The following SEPTIN9 variants were observed in gnomAD, a reference collection of about 807,000 sequenced individuals.
The protein encoded by SEPTIN9 is septin 9.
A neutral mutation model predicts 56.6 loss-of-function variants in SEPTIN9; 13 were observed. The ratio of observed to expected loss-of-function variants is 0.23; its 90% CI spans 0.15 to 0.37. The LOEUF (loss-of-function observed/expected upper bound fraction) is 0.37, where lower values mean the gene tolerates loss of function less well. SEPTIN9 is among the 10% of genes least tolerant of loss of function. The pLI is 1.00. For missense variants in SEPTIN9, 650 were observed against 823.1 expected (o/e 0.79, Z 2.57); for synonymous variants, 332 against 334.1 (o/e 0.99, Z 0.07).
intron 3 of SEPTIN9, among the ~76,000 whole-genome samples, chr17:77,480,425 A>T (rs867147209): frequency 6.6e-6 from 1 of 152,136 alleles, no homozygotes; most frequent in African/African-American, 2.4e-5. Context: ...TGCAGGCTGC[A>T]GCCAGGGGGC....
At chr17:77,357,940 G>A (rs1004228836) in intron 2 of SEPTIN9, among the ~76,000 whole-genome samples, 4 of 152,162 alleles carry the variant, frequency 2.6e-5, no homozygotes, top group Non-Finnish European at 4.4e-5. Context: ...GCCTGTCTAG[G>A]TCCTGTTTTC....
chr17:77,413,971 TTTTC>T (rs2036399089), intron 3 of SEPTIN9, among the ~76,000 whole-genome samples: 1 of 151,510 alleles, frequency 6.6e-6, no homozygotes, highest in East Asian at 1.9e-4. Context: ...CTCTCTCTTT[TTTTC>T]TTTTTGTTTG....
chr17:77,313,349 C>G lies in SEPTIN9; in HGVS notation c.76+6152C>G, dbSNP rs1177829945. Among the ~76,000 whole-genome samples the G allele has an allele frequency of 6.6e-6, 1 of 152,246 alleles. No individual in the cohort carries two copies. The highest frequency in any genetic ancestry group is 1.5e-5 in the Non-Finnish European group (1 of 68,044). Reference sequence around the variant, plus strand: ...TTCTCCCCGTTGTCTTGGTTTCCTTCCACGCTGACCTGGAAGGACTCCTAA... The same window carrying G: ...TTCTCCCCGTTGTCTTGGTTTCCTTGCACGCTGACCTGGAAGGACTCCTAA... On this transcript the variant is annotated intron_variant, in intron 2 of 11. Transcript: ENST00000427177. This position sits in a 1 kb window ranked among gnomAD's most constrained non-coding sequence, Gnocchi z 4.5.
chr17:77,282,643 C>G (rs1164906838), intron 1 of SEPTIN9, among the ~76,000 whole-genome samples: 2 of 152,208 alleles, frequency 1.3e-5, no homozygotes, highest in South Asian at 2.1e-4. Flanking sequence ...CTCAGAACTT[C>G]CCCGAAAATA....
At chr17:77,490,465 G>A (rs2143383854) in intron 7 of SEPTIN9, among the ~76,000 whole-genome samples, 1 of 152,316 alleles carries the variant, frequency 6.6e-6, no homozygotes, top group South Asian at 2.1e-4. Context: ...GTAGGGGTGT[G>A]GTTGGGACCC....
At position 77,445,609 on chromosome 17, in the gene SEPTIN9, G is replaced by A; in HGVS notation, c.722-36535G>A. On this transcript the variant is annotated intron_variant, in intron 3 of 11. Coordinates refer to ENST00000427177, the MANE Select transcript of SEPTIN9 (RefSeq NM_001113491.2). This position sits in a 1 kb window ranked among gnomAD's most constrained non-coding sequence, Gnocchi z 4.7. Reference sequence around the variant, plus strand: ...CCCTCCTCTCTGCTGCTGTGTTGCTGTGTGTTTCAGCAGCACGTGGGTGTC... The same window carrying A: ...CCCTCCTCTCTGCTGCTGTGTTGCTATGTGTTTCAGCAGCACGTGGGTGTC... 1 of 368,794 alleles carries A rather than the reference G, an allele frequency of 2.7e-6. No homozygotes were observed. The highest frequency in any genetic ancestry group is 5.6e-6 in the Non-Finnish European group (1 of 177,748). The allele number at this position is 368,794 out of a possible 1,614,324, so 22.8% of individuals were successfully genotyped here.
rs2143699607 is a variant in SEPTIN9 at position 77,329,460 on chromosome 17, G to A, written c.76+22263G>A. On this transcript the variant is annotated intron_variant, in intron 2 of 11. Transcript: ENST00000427177. This position sits in a 1 kb window ranked among gnomAD's most constrained non-coding sequence, Gnocchi z 4.3. Reference sequence around the variant, plus strand: ...GCGCTTTTGGTGTCTGAGCCCAGTGGTCCTGGCTGTGGTTTGGTACACTTG... The same window carrying A: ...GCGCTTTTGGTGTCTGAGCCCAGTGATCCTGGCTGTGGTTTGGTACACTTG... Among the ~76,000 whole-genome samples, 1 of 152,312 alleles carries A rather than the reference G, an allele frequency of 6.6e-6. No homozygotes were observed. Among genetic ancestry groups the A allele is most frequent in the Non-Finnish European group, 1.5e-5 (1 of 68,016 alleles).
At chr17:77,292,853 G>A (rs1041079437) in intron 1 of SEPTIN9, among the ~76,000 whole-genome samples, 1 of 152,172 alleles carries the variant, frequency 6.6e-6, no homozygotes, top group Non-Finnish European at 1.5e-5. Context: ...TTGACCACTG[G>A]TCTCGCTCCA....
chr17:77,431,830 CAAAA>C (rs61461406), intron 3 of SEPTIN9, among the ~76,000 whole-genome samples: 5 of 55,262 alleles, frequency 9.0e-5, no homozygotes, highest in African/African-American at 1.2e-4. Context: ...AATGCTGTCT[CAAAA>C]AAAAAAAAAA....
chr17:77,345,844 A>T (rs983465658), intron 2 of SEPTIN9, among the ~76,000 whole-genome samples: 1 of 152,208 alleles, frequency 6.6e-6, no homozygotes, highest in Non-Finnish European at 1.5e-5. Context: ...GTCCAGTATC[A>T]CGGAGCGGGG....
At chr17:77,393,156 A>G (rs1275380911) in intron 2 of SEPTIN9, among the ~76,000 whole-genome samples, 1 of 152,154 alleles carries the variant, frequency 6.6e-6, no homozygotes, top group African/African-American at 2.4e-5. Flanking sequence ...TGGGCCAGGC[A>G]GGGAATCCAG....
intron 1 of SEPTIN9, among the ~76,000 whole-genome samples, chr17:77,294,219 A>G (rs7406973): frequency 0.66 from 100,407 of 151,828 alleles, 34,776 homozygotes; most frequent in South Asian, 0.79. Context: ...AGGAGTTTGA[A>G]ACCAGCCTGG....
rs1356868934 is a variant in SEPTIN9, at chr17:77,402,316, A to G, written c.334A>G (p.Ile112Val). 9 of 1,612,630 alleles carry G rather than the reference A, an allele frequency of 5.6e-6. No homozygotes were observed. Among genetic ancestry groups the G allele is most frequent in the Admixed American group, 1.7e-5 (1 of 59,978 alleles). The part of the protein sequence containing the change: ...EPVSRRTELS[I>V]DISSKQVENA... ...GGTGTCCCGGCGCACTGAGCTGTCC[A>G]TTGACATCTCGTCCAAGCAGGTGGA... Residue 112 changes from isoleucine to valine, a missense_variant, in exon 3 of 12, where the codon ATT becomes GTT. Physicochemically the swap from Ile to Val is conservative, Grantham distance 29. Around this residue, in one of 2 missense-constraint regions of SEPTIN9, gnomAD observed 317 missense variants for 329.1 expected, o/e 0.96. Transcript: ENST00000427177. This position sits in a 1 kb window ranked among gnomAD's most constrained non-coding sequence, Gnocchi z 6.6.
intron 11 of SEPTIN9, chr17:77,497,601 GA>G: frequency 3.3e-6 from 2 of 601,698 alleles, no homozygotes; most frequent in South Asian, 3.8e-5. Flanking sequence ...GGCTGGATGG[GA>G]AGGCTGAGCT....
intron 3 of SEPTIN9, chr17:77,466,591 G>A (rs1385622492): frequency 6.1e-6 from 6 of 985,684 alleles, no homozygotes; most frequent in Non-Finnish European, 7.2e-6. Context: ...GGGTCCTCGG[G>A]AGGAGGAGAA....
chr17:77,490,961 G>C (rs1327686299), intron 8 of SEPTIN9, 102 bp downstream of exon 8: 1 of 933,894 alleles, frequency 1.1e-6, no homozygotes, highest in Non-Finnish European at 1.7e-6. Context: ...CTGTCAGGGA[G>C]ACCGAACCGC....
In SEPTIN9 at chr17:77,490,750, C is replaced by T; in HGVS notation, c.1271C>T (p.Pro424Leu). The change falls in exon 8 of 12, where the codon CCC becomes CTC. Residue 424 changes from proline (P) to leucine (L), a missense_variant. Coordinates refer to ENST00000427177, the MANE Select transcript of SEPTIN9 (RefSeq NM_001113491.2). ...ACATCCCTCTGCTTCAGCCTCAGGC[C>T]CCTGGACATCGAGTTTATGAAACGC... ...FIPATGHSLR[P>L]LDIEFMKRLS... 1.3e-6 allele frequency: 2 copies of T among 1,571,882 alleles called. No homozygotes were observed. The highest frequency in any genetic ancestry group is 8.6e-7 in the Non-Finnish European group (1 of 1,158,108).
chr17:77,475,306 C>A lies in SEPTIN9; in HGVS notation c.722-6838C>A. The stretch of plus-strand genomic sequence containing the variant: ...AGGCTCTGTGTGGGAGCGGGGAGGG[C>A]AAGCCCTGGTTGCGAGGCAGGGCTT... On this transcript the variant is annotated intron_variant, in intron 3 of 11. Transcript: ENST00000427177. This position sits in a 1 kb window ranked among gnomAD's most constrained non-coding sequence, Gnocchi z 4.6. 7.0e-7 allele frequency: 1 copy of A among 1,422,790 alleles called. No individual in the cohort carries two copies. The highest frequency in any genetic ancestry group is 9.1e-7 in the Non-Finnish European group (1 of 1,093,380). 88.1% of individuals were successfully genotyped at this position (1,422,790 alleles called of 1,614,324 possible). A position where few individuals can be genotyped will look rare whatever the true frequency, so the allele number is the denominator to read the frequency against.
intron 3 of SEPTIN9, among the ~76,000 whole-genome samples, chr17:77,464,714 C>T (rs1339780758): frequency 2.6e-5 from 4 of 151,946 alleles, no homozygotes; most frequent in Non-Finnish European, 5.9e-5. Flanking sequence ...CATTCTCCTG[C>T]CTCAGCCTCC....
Sources: gnomAD v4.1 joint callset for allele counts (sites outside exome capture counted in the v4.1 genomes callset) on GRCh38, gnomAD v4.1.1 for gene constraint, gnomAD v4.1.1 regional missense constraint, Gnocchi (gnomAD v3.1) non-coding constraint, MANE v1.5 for transcripts, NCBI Gene and HGNC (gene_info 2026-07-23, HGNC 2026-07-21) for gene names.